Variants in MTPN observed in about 807,000 individuals in gnomAD.
MTPN encodes myotrophin, also known as granule cell differentiation protein.
In MTPN, 2 loss-of-function variants were observed where a neutral mutation model predicts 13.5. The observed-to-expected ratio is 0.15, with a 90% CI of 0.06 to 0.47. The LOEUF (loss-of-function observed/expected upper bound fraction) is 0.47. MTPN is among the 20% of genes least tolerant of loss of function. MTPN has a pLI of 0.97. For synonymous variants in MTPN, 46 were observed against 51.7 expected (o/e 0.89, Z 0.48); for missense variants, 79 against 137.9 (o/e 0.57, Z 2.14).
chr7:135,962,972 A>G (rs530998207), intron 1 of MTPN, among the ~76,000 whole-genome samples: 56 of 152,080 alleles, frequency 3.7e-4, no homozygotes, highest in Non-Finnish European at 7.8e-4. Flanking sequence ...GTATAGGTAC[A>G]TACTGTACTG....
intron 1 of MTPN, among the ~76,000 whole-genome samples, chr7:135,952,807 T>C (rs1799383562): frequency 6.6e-6 from 1 of 151,896 alleles, no homozygotes; most frequent in African/African-American, 2.4e-5. Flanking sequence ...ACTAAAAATA[T>C]AAAATTAGCC....
intron 1 of MTPN, among the ~76,000 whole-genome samples, chr7:135,959,633 T>C (rs924360747): frequency 2.0e-5 from 3 of 152,156 alleles, no homozygotes; most frequent in Non-Finnish European, 4.4e-5. Context: ...AAATTAAATA[T>C]TAAATAGAAC....
At chr7:135,962,775 A>G (rs975488390) in intron 1 of MTPN, among the ~76,000 whole-genome samples, 2 of 152,060 alleles carry the variant, frequency 1.3e-5, no homozygotes, top group Non-Finnish European at 2.9e-5. Flanking sequence ...GGCCTCTATT[A>G]CATAGCATTA....
At chr7:135,950,821 T>TTA in intron 2 of MTPN, 139 bp from the exon 3 acceptor site, 1 of 692,104 alleles carries the variant, frequency 1.4e-6, no homozygotes, top group Non-Finnish European at 2.5e-6. Flanking sequence ...CAGAGTCAAG[T>TTA]GTCTAGTCTC....
chr7:135,955,327 A>G lies in MTPN; in HGVS notation c.73-3697T>C, dbSNP rs892151679. Among the ~76,000 whole-genome samples, 4 of 152,238 alleles carry G rather than the reference A, an allele frequency of 2.6e-5. No individual in the cohort carries two copies. The South Asian group carries it at 8.3e-4, about 31-fold the overall frequency. On this transcript the variant is annotated intron_variant, in intron 1 of 3. Transcript: ENST00000393085. ...AATCAAAGAAACAGAAAACAGAAAA[A>G]TGAGAGGAATCACAAGCTGATTCTT...
chr7:135,948,666 G>GT lies in MTPN; in HGVS notation c.270+1932dup, dbSNP rs1229788465. 5.9e-5 allele frequency among the ~76,000 whole-genome samples: 9 copies of GT among 152,280 alleles called. No individual in the cohort carries two copies. The East Asian group carries it at 1.7e-3, about 29-fold the overall frequency. ...AGGTCTCAATGACCTGAAGCCTCAT[G>GT]TTTTGGGAATAAGGAGTACAGAACA... On this transcript the variant is annotated intron_variant, in intron 3 of 3. Transcript: ENST00000393085.
chr7:135,970,466 C>G (rs1282454261), intron 1 of MTPN, among the ~76,000 whole-genome samples: 1 of 152,026 alleles, frequency 6.6e-6, no homozygotes, highest in Non-Finnish European at 1.5e-5. Flanking sequence ...CTTCTTTATT[C>G]TTTTCTGTTT....
At position 135,927,342 on chromosome 7, in the gene MTPN, T is replaced by A; in HGVS notation, c.*2584A>T. 6.4e-7 allele frequency: 1 copy of A among 1,551,344 alleles called. No individual in the cohort carries two copies. Among genetic ancestry groups the A allele is most frequent in the South Asian group, 1.2e-5 (1 of 84,034 alleles). On this transcript the variant is annotated 3_prime_UTR_variant, in exon 4 of 4. Coordinates refer to ENST00000393085, the MANE Select transcript of MTPN (RefSeq NM_145808.4). ...AAGTGCTGTATTTGAACGATAAGCCTATAGATAACAGTCTGAAGCTGCAAG... is the reference window on the plus strand; with the variant it reads ...AAGTGCTGTATTTGAACGATAAGCCAATAGATAACAGTCTGAAGCTGCAAG...
At chr7:135,939,889 ATATT>A (rs1360000604) in intron 3 of MTPN, among the ~76,000 whole-genome samples, 1 of 152,178 alleles carries the variant, frequency 6.6e-6, no homozygotes, top group Non-Finnish European at 1.5e-5. Flanking sequence ...TGCTCAATAA[ATATT>A]AAATGAAAAA....
chr7:135,953,621 T>G (rs10233361), intron 1 of MTPN, among the ~76,000 whole-genome samples: 3,066 of 152,244 alleles, frequency 0.02, 102 homozygotes, highest in African/African-American at 0.071. Context: ...CAAATATGAA[T>G]TTACTTATTT....
At chr7:135,959,262 A>G (rs184799677) in intron 1 of MTPN, among the ~76,000 whole-genome samples, 2 of 152,310 alleles carry the variant, frequency 1.3e-5, no homozygotes, top group African/African-American at 2.4e-5. Context: ...CTGTAACACT[A>G]AAATTCTTAT....
chr7:135,934,067 CTG>C (rs958830424), intron 3 of MTPN, among the ~76,000 whole-genome samples: 1 of 152,100 alleles, frequency 6.6e-6, no homozygotes, highest in African/African-American at 2.4e-5. Flanking sequence ...GCGTGAGGAA[CTG>C]TGAGTGAATT....
At chr7:135,955,701 A>G (rs1226856650) in intron 1 of MTPN, among the ~76,000 whole-genome samples, 1 of 152,192 alleles carries the variant, frequency 6.6e-6, no homozygotes, top group Non-Finnish European at 1.5e-5. Context: ...GTAATCCAAC[A>G]CTATGTAAAA....
intron 1 of MTPN, chr7:135,960,727 C>G (rs1799508470): frequency 6.6e-6 from 1 of 151,758 alleles, no homozygotes; most frequent in African/African-American, 2.4e-5. Context: ...AGCACATATA[C>G]TAAAATTGGA....
Position 135,977,122 on chromosome 7 carries a change from T to G in MTPN, c.-22A>C, listed in dbSNP as rs778178216. The G allele has an allele frequency of 6.8e-6, 11 of 1,613,558 alleles. No homozygotes were observed. Among genetic ancestry groups the G allele is most frequent in the Non-Finnish European group, 7.6e-6 (9 of 1,179,828 alleles). ...ACATCACTGCAGCGGGGCAGGCCGG[T>G]TGGCCGGGCAGAAGATGAGGAGGCG... On this transcript the variant is annotated 5_prime_UTR_variant, in exon 1 of 4. Coordinates refer to ENST00000393085, the MANE Select transcript of MTPN (RefSeq NM_145808.4).
rs577317208 is a variant in MTPN at position 135,928,934 on chromosome 7, G to A, written c.*992C>T. The A allele has an allele frequency of 6.0e-6, 1 of 167,194 alleles. No homozygotes were observed. The highest frequency in any genetic ancestry group is 1.9e-4 in the East Asian group (1 of 5,192). 10.4% of individuals were successfully genotyped at this position (167,194 alleles called of 1,614,324 possible). A position where few individuals can be genotyped will look rare whatever the true frequency, so the allele number is the denominator to read the frequency against. ...TCACCCCAGTGATAGCTTTGGTGCA[G>A]TAAGTAATCAGCCTCCAAGATGGGT... On this transcript the variant is annotated 3_prime_UTR_variant, in exon 4 of 4. Transcript: ENST00000393085.
At chr7:135,931,427 A>C (rs1191337773) in intron 3 of MTPN, among the ~76,000 whole-genome samples, 2 of 152,176 alleles carry the variant, frequency 1.3e-5, no homozygotes, top group Admixed American at 6.5e-5. Context: ...TAGGTAAACC[A>C]GGGAGGAGAT....
intron 3 of MTPN, among the ~76,000 whole-genome samples, chr7:135,935,079 T>C (rs934615982): frequency 6.6e-6 from 1 of 152,164 alleles, no homozygotes; most frequent in Non-Finnish European, 1.5e-5. Context: ...TCCAACAAGG[T>C]GAAGAACACT....
chr7:135,953,459 G>A (rs1213331483), intron 1 of MTPN, among the ~76,000 whole-genome samples: 1 of 152,150 alleles, frequency 6.6e-6, no homozygotes, highest in African/African-American at 2.4e-5. Context: ...TACTTTCTAT[G>A]TGCAGAGATG....
Sources: allele counts gnomAD v4.1 joint callset (sites outside exome capture counted in the v4.1 genomes callset), GRCh38; gene constraint gnomAD v4.1.1; transcripts MANE v1.5; gene names NCBI Gene and HGNC (gene_info 2026-07-23, HGNC 2026-07-21).